The following ARHGEF10L variants were observed in gnomAD, a reference collection of about 807,000 sequenced individuals.
ARHGEF10L encodes Rho guanine nucleotide exchange factor 10 like, also known as rho guanine nucleotide exchange factor 10-like protein.
In ARHGEF10L, 69 loss-of-function variants were observed where a neutral mutation model predicts 141.2. That is an observed-to-expected ratio of 0.49 (90% CI 0.40 to 0.60). The LOEUF is 0.60. Among genes scored for constraint, ARHGEF10L ranks in the 20% least tolerant of loss-of-function variants. The pLI, the probability that ARHGEF10L is intolerant of heterozygous loss-of-function variation, is 0.00. For missense variants in ARHGEF10L, 1,482 were observed against 1,734.3 expected, an observed-to-expected ratio of 0.85 and a Z score of 2.58; for synonymous variants, 711 against 718.5, an observed-to-expected ratio of 0.99 and a Z score of 0.17.
intron 1 of ARHGEF10L, among the ~76,000 whole-genome samples, chr1:17,547,473 A>C (rs1170061593): frequency 1.3e-5 from 2 of 152,252 alleles, no homozygotes; most frequent in African/African-American, 4.8e-5. Flanking sequence ...TATGCATCCC[A>C]GAATCCCGGC....
chr1:17,613,004 T>C, intron 7 of ARHGEF10L, 54 bp from the exon 8 acceptor site: 1 of 1,233,184 alleles, frequency 8.1e-7, no homozygotes. Context: ...CTCCTTCCTG[T>C]CCCGCCTGCT....
At chr1:17,548,643 ATTC>A (rs2076997719) in intron 1 of ARHGEF10L, among the ~76,000 whole-genome samples, 3 of 136,796 alleles carry the variant, frequency 2.2e-5, no homozygotes, top group South Asian at 4.5e-4. Context: ...GCTCAAAATA[ATTC>A]TTTTTTTTTT....
At position 17,692,422 on chromosome 1, in the gene ARHGEF10L, C is replaced by A. The variant is rs1284878562; in HGVS notation, c.3185-2736C>A. 2.0e-5 allele frequency among the ~76,000 whole-genome samples: 3 copies of A among 152,144 alleles called. No individual in the cohort carries two copies. The East Asian group carries it at 5.8e-4, about 29-fold the overall frequency. ...TCCAACCAGGAGCTCTGGGCTTCAACCCCCAAACCGGCTCCTTTGCCATCC... is the reference window on the plus strand; with the variant it reads ...TCCAACCAGGAGCTCTGGGCTTCAAACCCCAAACCGGCTCCTTTGCCATCC... On this transcript the variant is annotated intron_variant, in intron 27 of 28. Transcript: ENST00000361221.
chr1:17,567,612 C>A (rs147598186), intron 1 of ARHGEF10L, among the ~76,000 whole-genome samples: 1,614 of 152,270 alleles, frequency 0.011, 26 homozygotes, highest in African/African-American at 0.037. Context: ...AAGTGATCCA[C>A]CTGTCTTGGC....
chr1:17,605,572 C>T (rs10492992), intron 6 of ARHGEF10L, among the ~76,000 whole-genome samples: 5,711 of 140,182 alleles, frequency 0.041, 138 homozygotes, highest in Non-Finnish European at 0.062. Flanking sequence ...GGGACTTCAA[C>T]GGAAGGTGGT....
chr1:17,684,341 G>A (rs890063908), intron 26 of ARHGEF10L, among the ~76,000 whole-genome samples: 1 of 152,312 alleles, frequency 6.6e-6, no homozygotes, highest in Non-Finnish European at 1.5e-5. Context: ...AAGCCAGGAC[G>A]GCCCGGGCTG....
the ARHGEF10L span, among the ~76,000 whole-genome samples, chr1:17,522,726 C>A: frequency 6.6e-6 from 1 of 152,088 alleles, no homozygotes; most frequent in East Asian, 1.9e-4. Flanking sequence ...CTGGCTGGAT[C>A]TCTTCAGTTA....
At chr1:17,620,141 T>C (rs1337918308) in intron 10 of ARHGEF10L, among the ~76,000 whole-genome samples, 2 of 150,104 alleles carry the variant, frequency 1.3e-5, no homozygotes, top group African/African-American at 4.9e-5. Context: ...AGGCAGAGGT[T>C]GCAGTGAGCC....
chr1:17,610,829 G>A (rs2059510454), intron 7 of ARHGEF10L, among the ~76,000 whole-genome samples: 1 of 152,208 alleles, frequency 6.6e-6, no homozygotes. Context: ...CCCTAGGCAG[G>A]TGGACTCTTG....
At chr1:17,557,374 A>AT (rs1557703857) in intron 1 of ARHGEF10L, among the ~76,000 whole-genome samples, 1 of 152,020 alleles carries the variant, frequency 6.6e-6, no homozygotes, top group Non-Finnish European at 1.5e-5. Context: ...ACCAAAAAAA[A>AT]CAAAAAGAAA....
intron 7 of ARHGEF10L, 71 bp downstream of exon 7, chr1:17,608,048 G>A: frequency 7.9e-7 from 1 of 1,264,350 alleles, no homozygotes; most frequent in Non-Finnish European, 1.0e-6. Context: ...AGGGAGGGAG[G>A]GAGCTGGGTA....
intron 26 of ARHGEF10L, among the ~76,000 whole-genome samples, chr1:17,676,626 G>A (rs1337389078): frequency 6.6e-6 from 1 of 151,956 alleles, no homozygotes; most frequent in Non-Finnish European, 1.5e-5. Context: ...ACTGCTATGA[G>A]GCAGACGTGA....
chr1:17,675,280 C>T (rs1043455320), intron 26 of ARHGEF10L, among the ~76,000 whole-genome samples: 19 of 152,358 alleles, frequency 1.2e-4, no homozygotes, highest in African/African-American at 3.1e-4. Context: ...GCAGGGCAAC[C>T]GCCTTGGCTG....
intron 1 of ARHGEF10L, among the ~76,000 whole-genome samples, chr1:17,565,770 T>A (rs1432813032): frequency 6.6e-6 from 1 of 152,120 alleles, no homozygotes; most frequent in African/African-American, 2.4e-5. Context: ...CTAACTCGGG[T>A]ACCAGGACCG....
intron 27 of ARHGEF10L, among the ~76,000 whole-genome samples, chr1:17,689,526 T>TCCCCCTCCCTCCCTCCCTCCCTGCCTC (rs1558043115): frequency 3.9e-3 from 1 of 256 alleles, no homozygotes; most frequent in Non-Finnish European, 6.3e-3. Flanking sequence ...CTCCCTCTCT[T>TCCCCCTCCCTCCCTCCCTCCCTGCCTC]CTTCCCTCCC....
chr1:17,592,354 C>T (rs1333270429), intron 4 of ARHGEF10L, among the ~76,000 whole-genome samples: 3 of 152,316 alleles, frequency 2.0e-5, no homozygotes, highest in Non-Finnish European at 2.9e-5. Flanking sequence ...CAGGGATTCT[C>T]ATGGGCTCCC....
chr1:17,592,491 G>T (rs1014653480), intron 4 of ARHGEF10L, among the ~76,000 whole-genome samples: 20 of 152,156 alleles, frequency 1.3e-4, no homozygotes, highest in Non-Finnish European at 2.5e-4. Context: ...TCTGGGAGAG[G>T]ACAGGGAGAC....
chr1:17,556,152 G>T (rs1252952292), intron 1 of ARHGEF10L, among the ~76,000 whole-genome samples: 1 of 79,480 alleles, frequency 1.3e-5, no homozygotes, highest in African/African-American at 4.9e-5. Context: ...GGGAGCATAT[G>T]GGGGGCCTGG....
intron 26 of ARHGEF10L, among the ~76,000 whole-genome samples, chr1:17,680,137 T>A (rs955904210): frequency 2.0e-5 from 3 of 150,940 alleles, no homozygotes; most frequent in African/African-American, 4.9e-5. Context: ...GTTGGTTCGC[T>A]CTCTTTTCAT....
Sources: allele counts gnomAD v4.1 joint callset (sites outside exome capture counted in the v4.1 genomes callset), GRCh38; gene constraint gnomAD v4.1.1; transcripts MANE v1.5; gene names NCBI Gene and HGNC (gene_info 2026-07-23, HGNC 2026-07-21).